Variants in PDE4D observed in about 807,000 individuals in gnomAD.
The protein encoded by PDE4D is phosphodiesterase 4D.
Under a neutral mutation model 87.4 loss-of-function variants are expected in PDE4D, and 24 were observed. That is an observed-to-expected ratio of 0.27 (90% CI 0.20 to 0.39). The LOEUF (loss-of-function observed/expected upper bound fraction) is 0.39, where lower values mean the gene tolerates loss of function less well. PDE4D is among the 10% of genes least tolerant of loss of function. The pLI is 1.00. For synonymous variants in PDE4D, 384 were observed against 383.2 expected, an observed-to-expected ratio of 1.00 and a Z score of -0.02; for missense variants, 714 against 1,041.0, an observed-to-expected ratio of 0.69 and a Z score of 4.32.
chr5:58,992,049 C>A, intron 7 of PDE4D, 45 bp from the exon 8 acceptor site: 2 of 1,178,974 alleles, frequency 1.7e-6, no homozygotes, highest in East Asian at 2.7e-5. Context: ...TTAATTCTAT[C>A]TGTTTTATAT....
chr5:59,462,965 T>C lies in PDE4D; in HGVS notation c.456-246997A>G, dbSNP rs1015987902. Among the ~76,000 whole-genome samples the C allele has an allele frequency of 2.0e-5, 3 of 152,178 alleles. No individual in the cohort carries two copies. The South Asian group carries it at 6.2e-4, about 32-fold the overall frequency. On this transcript the variant is annotated intron_variant, in intron 1 of 14. Transcript: ENST00000340635. ...TTAAGTATTTATTTAAACTTCATAC[T>C]GAGAGACCCCTCTATTTATTCCTGA...
chr5:60,370,039 T>C (rs1483030957), intron 1 of PDE4D, among the ~76,000 whole-genome samples: 3 of 152,024 alleles, frequency 2.0e-5, no homozygotes, highest in African/African-American at 7.3e-5. Context: ...CTCTGTAAAG[T>C]CCTAAATTAG....
intron 1 of PDE4D, among the ~76,000 whole-genome samples, chr5:60,287,028 G>A (rs1752481842): frequency 6.6e-6 from 1 of 152,162 alleles, no homozygotes. Context: ...GACTTTGAAA[G>A]ACTAGATGAA....
intron 2 of PDE4D, among the ~76,000 whole-genome samples, chr5:60,083,566 G>T (rs2152905297): frequency 1.3e-5 from 2 of 152,346 alleles, no homozygotes; most frequent in Non-Finnish European, 2.9e-5. Flanking sequence ...ATGGCAAACA[G>T]TATGGAAGAT....
intron 1 of PDE4D, among the ~76,000 whole-genome samples, chr5:59,566,583 T>TGTGTGAGAGA (rs1554029771): frequency 6.8e-6 from 1 of 146,864 alleles, no homozygotes; most frequent in South Asian, 2.1e-4. Context: ...TGTGTGTGTG[T>TGTGTGAGAGA]GAGAGAATGA....
chr5:59,368,106 A>C (rs1180427250), intron 1 of PDE4D, among the ~76,000 whole-genome samples: 1 of 152,238 alleles, frequency 6.6e-6, no homozygotes, highest in Non-Finnish European at 1.5e-5. Flanking sequence ...TTGAGGATGC[A>C]TGTATGGGTA....
In PDE4D at chr5:59,209,253, G is replaced by A. The variant is rs368721900; in HGVS notation, c.647+6524C>T. 9.0e-4 allele frequency among the ~76,000 whole-genome samples: 136 copies of A among 151,868 alleles called. 4 individuals carry two copies. In the South Asian group the frequency reaches 0.026, roughly 29 times the overall value. On this transcript the variant is annotated intron_variant, in intron 2 of 14. Transcript: ENST00000340635. ...CAGGCTGGAGTGCAGTGGCTCAATC[G>A]TGGCTCACTACAACCTCAACATCCT...
At chr5:60,058,766 T>C (rs1347708613) in intron 2 of PDE4D, among the ~76,000 whole-genome samples, 1 of 151,938 alleles carries the variant, frequency 6.6e-6, no homozygotes, top group Non-Finnish European at 1.5e-5. Flanking sequence ...CCCTATAACA[T>C]TTTGAGAAAA....
intron 3 of PDE4D, among the ~76,000 whole-genome samples, chr5:59,949,520 C>G (rs1257725746): frequency 1.3e-5 from 2 of 151,118 alleles, no homozygotes; most frequent in African/African-American, 4.9e-5. Context: ...ACCAAACTAT[C>G]TGGTTTAACT....
chr5:59,755,550 G>A (rs1347265166), intron 1 of PDE4D, among the ~76,000 whole-genome samples: 1 of 152,128 alleles, frequency 6.6e-6, no homozygotes. Flanking sequence ...ATTAAAGGAA[G>A]CCTGGTTCTA....
At chr5:59,958,219 A>G (rs529628607) in intron 3 of PDE4D, among the ~76,000 whole-genome samples, 2 of 152,222 alleles carry the variant, frequency 1.3e-5, no homozygotes, top group African/African-American at 2.4e-5. Flanking sequence ...GACAAATTTC[A>G]TCATTAAACT....
chr5:59,168,515 C>A (rs1782242675), intron 5 of PDE4D, among the ~76,000 whole-genome samples: 1 of 152,170 alleles, frequency 6.6e-6, no homozygotes, highest in African/African-American at 2.4e-5. Context: ...GGCAGGAATC[C>A]TTTCCTTAGC....
At chr5:59,197,451 C>A (rs1407332193) in intron 2 of PDE4D, among the ~76,000 whole-genome samples, 1 of 152,104 alleles carries the variant, frequency 6.6e-6, no homozygotes. Flanking sequence ...TGGCAGATGT[C>A]CTCGATAAAC....
intron 1 of PDE4D, among the ~76,000 whole-genome samples, chr5:59,395,200 C>T (rs552254039): frequency 3.9e-5 from 6 of 152,026 alleles, no homozygotes; most frequent in East Asian, 1.9e-4. Flanking sequence ...ACAAAGCAGC[C>T]GGGAAGCTCC....
At chr5:59,880,665 CATGTT>C (rs1749305099) in intron 1 of PDE4D, among the ~76,000 whole-genome samples, 1 of 152,106 alleles carries the variant, frequency 6.6e-6, no homozygotes, top group African/African-American at 2.4e-5. Flanking sequence ...ACCTCTTCAC[CATGTT>C]TTGTATAATT....
chr5:60,461,313 T>C (rs185422895), intron 1 of PDE4D, among the ~76,000 whole-genome samples: 37 of 152,292 alleles, frequency 2.4e-4, no homozygotes, highest in African/African-American at 3.6e-4. Context: ...ATCCCACTTA[T>C]ACTCTTGGTG....
upstream of PDE4D, chr5:59,893,842 C>T (rs1482475676): frequency 7.6e-6 from 10 of 1,316,444 alleles, no homozygotes; most frequent in African/African-American, 1.6e-5. Flanking sequence ...CTCCTTCCAC[C>T]GAGGCTATGG....
At chr5:59,590,340 T>A (rs1316321420) in intron 1 of PDE4D, among the ~76,000 whole-genome samples, 1 of 152,194 alleles carries the variant, frequency 6.6e-6, no homozygotes, top group Non-Finnish European at 1.5e-5. Context: ...AATGCTAATC[T>A]ATTTTGTTAC....
rs1212630393 is a variant in PDE4D, at chr5:59,608,251, T to C, written c.455+284917A>G. Among the ~76,000 whole-genome samples the C allele has an allele frequency of 2.2e-4, 33 of 152,182 alleles. 1 individual carries two copies. Among genetic ancestry groups the C allele is most frequent in the Admixed American group, 2.1e-3 (32 of 15,260 alleles). On this transcript the variant is annotated intron_variant, in intron 1 of 14. Transcript: ENST00000340635. ...AGGATGGATTTTAATGTGGGGTTTC[T>C]GCCACTTTGCCTCTATTTCTAATTC...
Sources: allele counts gnomAD v4.1 joint callset (sites outside exome capture counted in the v4.1 genomes callset), GRCh38; gene constraint gnomAD v4.1.1; transcripts MANE v1.5; gene names NCBI Gene and HGNC (gene_info 2026-07-23, HGNC 2026-07-21).